CRYBG2: variants seen among roughly 807,000 people sequenced by gnomAD.
CRYBG2 encodes the protein crystallin beta-gamma domain containing 2.
In CRYBG2, 106 loss-of-function variants were observed where a neutral mutation model predicts 153.4. That is an observed-to-expected ratio of 0.69 (90% CI 0.59 to 0.81). CRYBG2 has a LOEUF of 0.81. Among genes scored for constraint, CRYBG2 ranks in the 30% least tolerant of loss-of-function variants. The pLI is 0.00. For missense variants in CRYBG2, 1,996 were observed against 2,112.0 expected (o/e 0.95, Z 1.08); for synonymous variants, 851 against 877.8 (o/e 0.97, Z 0.54).
At chr1:26,328,896 G>A in intron 15 of CRYBG2, 23 bp from the exon 16 acceptor site, 1 of 1,613,178 alleles carries the variant, frequency 6.2e-7, no homozygotes, top group Non-Finnish European at 8.5e-7. Context: ...AGACAGAAGA[G>A]GGTGAGGCTC....
At chr1:26,348,397 C>CA (rs1160609788) in intron 1 of CRYBG2, among the ~76,000 whole-genome samples, 3 of 152,136 alleles carry the variant, frequency 2.0e-5, no homozygotes, top group African/African-American at 4.8e-5. Context: ...CAAGTCTCTA[C>CA]AAAAAATTAA....
chr1:26,344,899 C>A lies in CRYBG2; in HGVS notation c.1759G>T (p.Gly587Cys). 6.5e-7 allele frequency: 1 copy of A among 1,530,534 alleles called. No individual in the cohort carries two copies. Among genetic ancestry groups the A allele is most frequent in the South Asian group, 1.2e-5 (1 of 83,610 alleles). The allele number at this position is 1,530,534 out of a possible 1,614,324, so 94.8% of individuals were successfully genotyped here. A position where few individuals can be genotyped will look rare whatever the true frequency, so the allele number is the denominator to read the frequency against. Residue 587 changes from glycine (G) to cysteine (C), a missense_variant, in exon 2 of 20, where the codon GGT becomes TGT. Gly to Cys is a radical substitution (Grantham distance 159, BLOSUM62 -3). Transcript: ENST00000308182. ...TTPKEVVKGP[G>C]APAASSPTQK... is the part of the protein sequence containing the mutation. ...GTGGGCGATGAGGCAGCAGGAGCAC[C>A]AGGGCCCTTCACAACCTCTTTTGGG... is the stretch of plus-strand genomic sequence containing the variant.
At position 26,336,393 on chromosome 1, in the gene CRYBG2, G is replaced by A. The variant is rs2074055591; in HGVS notation, c.4039-23C>T. 1 of 1,612,384 alleles carries A rather than the reference G, an allele frequency of 6.2e-7. No homozygotes were observed. Among genetic ancestry groups the A allele is most frequent in the Non-Finnish European group, 8.5e-7 (1 of 1,179,194 alleles). ...GACCTGAAGGTAGGGACCGAATCGA[G>A]AATTAGGGAGGGTGCCGGCCCCTAG... On this transcript the variant is annotated intron_variant, in intron 12 of 19. Transcript: ENST00000308182. This position sits in a 1 kb window ranked among gnomAD's most constrained non-coding sequence, Gnocchi z 4.9.
At position 26,342,738 on chromosome 1, in the gene CRYBG2, C is replaced by T. The variant is rs763883327; in HGVS notation, c.3204+16G>A. On this transcript the variant is annotated intron_variant, in intron 5 of 19. Transcript: ENST00000308182. ...TCTAGGCACTCGAGGCCGTCTCCCA[C>T]CTCCAACTCACTCACCCAGACAACC... 38 of 1,611,468 alleles carry T rather than the reference C, an allele frequency of 2.4e-5. No individual in the cohort carries two copies. The highest frequency in any genetic ancestry group is 3.1e-5 in the Non-Finnish European group (37 of 1,179,488).
Position 26,336,585 on chromosome 1 carries a change from C to T in CRYBG2, c.4038+21G>A, listed in dbSNP as rs990043847. On this transcript the variant is annotated intron_variant, in intron 12 of 19. Coordinates refer to ENST00000308182, the MANE Select transcript of CRYBG2 (RefSeq NM_001039775.4). This position sits in a 1 kb window ranked among gnomAD's most constrained non-coding sequence, Gnocchi z 4.9. ...AGGTCCCGCCACCGGGGAGGCCCCG[C>T]CCCCCGCGGCCGGCACGCACCTGTA... 38 of 1,544,582 alleles carry T rather than the reference C, an allele frequency of 2.5e-5. No homozygotes were observed. Among genetic ancestry groups the T allele is most frequent in the African/African-American group, 4.1e-5 (3 of 72,472 alleles).
intron 1 of CRYBG2, among the ~76,000 whole-genome samples, chr1:26,348,507 G>A (rs187671011): frequency 2.0e-4 from 31 of 152,266 alleles, no homozygotes; most frequent in African/African-American, 7.5e-4. Context: ...AGCTATGATC[G>A]TGTCACTGCA....
In CRYBG2 at chr1:26,331,392, A is replaced by C. The variant is rs971523441; in HGVS notation, c.4314+97T>G. On this transcript the variant is annotated intron_variant, in intron 15 of 19. Coordinates refer to ENST00000308182, the MANE Select transcript of CRYBG2 (RefSeq NM_001039775.4). ...CTGGGGCAGTTCTAAAAACACTGGA[A>C]TCAACCCCTGCACCAGCACACAGGT... 4.6e-6 allele frequency: 7 copies of C among 1,518,678 alleles called. No individual in the cohort carries two copies. The African/African-American group carries it at 8.2e-5, about 18-fold the overall frequency. The allele number at this position is 1,518,678 out of a possible 1,614,324, so 94.1% of individuals were successfully genotyped here. A position where few individuals can be genotyped will look rare whatever the true frequency, so the allele number is the denominator to read the frequency against.
chr1:26,328,367 G>A (rs911775024), intron 16 of CRYBG2, 35 bp from the exon 17 acceptor site: 3 of 1,556,278 alleles, frequency 1.9e-6, no homozygotes, highest in Non-Finnish European at 2.6e-6. Context: ...ACAGAGAAGA[G>A]CACAGACACA....
rs747024946 is a variant in CRYBG2, at chr1:26,322,030, C to A, written c.4924G>T (p.Val1642Leu). ...TCCTCATCCGGCTCCCATAGCACCA[C>A]GTGGTCCCGGTCGTAGCCCCGGCCT... ...KGGRGYDRDH[V>L]VLWEPDEDRA... Residue 1642 changes from valine to leucine, a missense_variant, in exon 20 of 20, where the codon GTG (valine) becomes TTG (leucine). Val to Leu is a conservative substitution (Grantham distance 32, BLOSUM62 1). Transcript: ENST00000308182. The A allele has an allele frequency of 6.2e-7, 1 of 1,607,274 alleles. No individual in the cohort carries two copies. Among genetic ancestry groups the A allele is most frequent in the Middle Eastern group, 1.7e-4 (1 of 6,042 alleles).
At chr1:26,337,698 G>A (rs747074595) in intron 8 of CRYBG2, 24 bp from the exon 9 acceptor site, 2 of 1,606,660 alleles carry the variant, frequency 1.2e-6, no homozygotes, top group East Asian at 2.2e-5. Context: ...GCTGTCAGGA[G>A]TCATCTGGAC....
chr1:26,343,668 C>T lies in CRYBG2; in HGVS notation c.2913+77G>A, dbSNP rs1410801826. Reference sequence around the variant, plus strand: ...TGCCCCCAGACTCTGACTCCCAGCACCACTCTCTTCACACCACTCAAGCCT... The same window carrying T: ...TGCCCCCAGACTCTGACTCCCAGCATCACTCTCTTCACACCACTCAAGCCT... On this transcript the variant is annotated intron_variant, in intron 2 of 19. Coordinates refer to ENST00000308182, the MANE Select transcript of CRYBG2 (RefSeq NM_001039775.4). This position sits in a 1 kb window ranked among gnomAD's most constrained non-coding sequence, Gnocchi z 4.1. The T allele has an allele frequency of 7.1e-7, 1 of 1,417,960 alleles. No homozygotes were observed. The highest frequency in any genetic ancestry group is 9.3e-7 in the Non-Finnish European group (1 of 1,080,986). The allele number at this position is 1,417,960 out of a possible 1,614,324, so 87.8% of individuals were successfully genotyped here.
intron 17 of CRYBG2, among the ~76,000 whole-genome samples, chr1:26,327,451 G>A (rs890181760): frequency 6.7e-6 from 1 of 149,396 alleles, no homozygotes; most frequent in Admixed American, 6.8e-5. Flanking sequence ...CCAGGTGACA[G>A]TGCGAGATTC....
Position 26,343,923 on chromosome 1 carries a change from C to G in CRYBG2, c.2735G>C (p.Ser912Thr), listed in dbSNP as rs991348232. 1.3e-6 allele frequency: 2 copies of G among 1,538,318 alleles called. No individual in the cohort carries two copies. Among genetic ancestry groups the G allele is most frequent in the South Asian group, 1.2e-5 (1 of 83,306 alleles). ...GGCCTCCTTGGCGGTAGGCACCAGA[C>G]TGCCGAACAGAAGGCTGCCTCCAAG... ...SRLGGSLLFGSLVPTAKEAST... is the reference protein window; with the variant it reads ...SRLGGSLLFGTLVPTAKEAST... The change falls in exon 2 of 20, where the codon AGT becomes ACT. Residue 912 changes from serine (S) to threonine (T), a missense_variant. Coordinates refer to ENST00000308182, the MANE Select transcript of CRYBG2 (RefSeq NM_001039775.4). The surrounding 1 kb of genome is among the most constrained non-coding windows in gnomAD (Gnocchi z 4.1).
At chr1:26,348,863 AG>A (rs1361283204) in intron 1 of CRYBG2, among the ~76,000 whole-genome samples, 1 of 145,414 alleles carries the variant, frequency 6.9e-6, no homozygotes, top group Non-Finnish European at 1.5e-5. Flanking sequence ...GCCTAAAAAA[AG>A]TTTTTAATAA....
In CRYBG2 at chr1:26,345,496, G is replaced by T; in HGVS notation, c.1162C>A (p.Leu388Met). 1.3e-6 allele frequency: 2 copies of T among 1,593,088 alleles called. No individual in the cohort carries two copies. The highest frequency in any genetic ancestry group is 1.1e-5 in the South Asian group (1 of 88,218). The change falls in exon 2 of 20, where the codon CTG (leucine) becomes ATG (methionine). Residue 388 changes from leucine (L) to methionine (M), a missense_variant. Physicochemically the swap from Leu to Met is conservative, Grantham distance 15. Coordinates refer to ENST00000308182, the MANE Select transcript of CRYBG2 (RefSeq NM_001039775.4). ...GGCCCGTCCTTTTTTTTAGGGGGCA[G>T]AACAAGGGGAGTGAGCCGGGCCCCG... ...HPGARLTPLV[L>M]PPKKKDGPVD...
At position 26,337,614 on chromosome 1, in the gene CRYBG2, A is replaced by C; in HGVS notation, c.3568T>G (p.Tyr1190Asp). The C allele has an allele frequency of 1.2e-6, 2 of 1,613,166 alleles. No individual in the cohort carries two copies. Among genetic ancestry groups the C allele is most frequent in the Non-Finnish European group, 1.7e-6 (2 of 1,179,936 alleles). The stretch of plus-strand genomic sequence containing the variant: ...CTGTCCTCTGGCTGCTGAAGGTTGT[A>C]GATGTCTCGGCTCACTTCCCAGCTG... The part of the protein sequence containing the change: ...GRSWEVSRDI[Y>D]NLQQPEDSQS... Residue 1190 changes from tyrosine (Y) to aspartate (D), a missense_variant, in exon 9 of 20, where the codon TAC becomes GAC. Physicochemically the swap from Tyr to Asp is radical, Grantham distance 160. Coordinates refer to ENST00000308182, the MANE Select transcript of CRYBG2 (RefSeq NM_001039775.4).
chr1:26,322,843 A>ACAGT (rs1382263855), intron 18 of CRYBG2, among the ~76,000 whole-genome samples: 5 of 152,172 alleles, frequency 3.3e-5, no homozygotes, highest in African/African-American at 1.2e-4. Flanking sequence ...ACAAAGACCT[A>ACAGT]CAGTCCTTAT....
At position 26,344,118 on chromosome 1, in the gene CRYBG2, C is replaced by T. The variant is rs34370465; in HGVS notation, c.2540G>A (p.Arg847His). Residue 847 changes from arginine to histidine, a missense_variant, in exon 2 of 20, where the codon CGC becomes CAC. Coordinates refer to ENST00000308182, the MANE Select transcript of CRYBG2 (RefSeq NM_001039775.4). ...GCTGGGCCCAGCTTTCTCCTGCCTGCGCTGGAGCTTCTCATCGTCACTCAG... is the reference window on the plus strand; with the variant it reads ...GCTGGGCCCAGCTTTCTCCTGCCTGTGCTGGAGCTTCTCATCGTCACTCAG... ...PYLSDDEKLQ[R>H]RQEKAGPSPS... 0.28 allele frequency: 436,459 copies of T among 1,535,922 alleles called. 64,147 individuals are homozygous for T. The highest frequency in any genetic ancestry group is 0.3 in the Non-Finnish European group (349,401 of 1,146,828).
intron 1 of CRYBG2, among the ~76,000 whole-genome samples, chr1:26,347,037 G>C (rs568545680): frequency 5.1e-4 from 77 of 152,162 alleles, no homozygotes; most frequent in Non-Finnish European, 8.7e-4. Context: ...AGGTCTATAG[G>C]GGGGCTGGGA....
Sources: gnomAD v4.1 joint callset for allele counts (sites outside exome capture counted in the v4.1 genomes callset) on GRCh38, gnomAD v4.1.1 for gene constraint, Gnocchi (gnomAD v3.1) non-coding constraint, MANE v1.5 for transcripts, NCBI Gene and HGNC (gene_info 2026-07-23, HGNC 2026-07-21) for gene names.